Variants in DTYMK observed in about 807,000 individuals in gnomAD.
The protein encoded by DTYMK is thymidylate kinase.
DTYMK carries 20 observed loss-of-function variants against 20.3 expected under a neutral mutation model. That is an observed-to-expected ratio of 0.99 (90% confidence interval 0.69 to 1.43). The LOEUF (loss-of-function observed/expected upper bound fraction) is 1.43, where lower values mean the gene tolerates loss of function less well. Ranked by LOEUF, DTYMK falls within the 40% of genes most tolerant of loss-of-function variation. The pLI is 0.00. For synonymous variants in DTYMK, 148 were observed against 124.4 expected (o/e 1.19, Z -1.27); for missense variants, 320 against 291.1 (o/e 1.10, Z -0.72).
At chr2:241,676,830 C>G (rs2069128176) in intron 4 of DTYMK, among the ~76,000 whole-genome samples, 1 of 152,254 alleles carries the variant, frequency 6.6e-6, no homozygotes, top group South Asian at 2.1e-4. Context: ...GAGTCGGAAG[C>G]ACAGAGGGCA....
chr2:241,682,311 C>A, intron 2 of DTYMK: 1 of 441,336 alleles, frequency 2.3e-6, no homozygotes, highest in Non-Finnish European at 4.6e-6. Flanking sequence ...CTGCACTCAG[C>A]CTGCATGACA....
intron 2 of DTYMK, among the ~76,000 whole-genome samples, chr2:241,683,537 G>A (rs2069313119): frequency 6.6e-6 from 1 of 152,160 alleles, no homozygotes; most frequent in African/African-American, 2.4e-5. Flanking sequence ...GATACCCATG[G>A]TTTAGCAGTT....
intron 4 of DTYMK, among the ~76,000 whole-genome samples, chr2:241,677,870 G>A (rs1182921276): frequency 6.6e-6 from 1 of 152,244 alleles, no homozygotes; most frequent in Non-Finnish European, 1.5e-5. Flanking sequence ...GGAACAGGCT[G>A]GCGCTCGTGT....
At chr2:241,682,343 G>T in intron 2 of DTYMK, 1 of 392,556 alleles carries the variant, frequency 2.5e-6, no homozygotes, top group Non-Finnish European at 5.1e-6. Context: ...TCTAAAAAAA[G>T]AAAAGAGAGA....
At chr2:241,685,509 G>A in intron 2 of DTYMK, 1 of 315,384 alleles carries the variant, frequency 3.2e-6, no homozygotes, top group Non-Finnish European at 5.9e-6. Context: ...TGGCGACAGA[G>A]CGGAACTCCG....
In DTYMK at chr2:241,680,276, C is replaced by G. The variant is rs376752891; in HGVS notation, c.283G>C (p.Val95Leu). 6.8e-6 allele frequency: 11 copies of G among 1,614,066 alleles called. No individual in the cohort carries two copies. The Admixed American group carries it at 1.5e-4, about 22-fold the overall frequency. Residue 95 changes from valine (V) to leucine (L), a missense_variant, in exon 3 of 5, where the codon GTG (valine) becomes CTG (leucine). By Grantham distance (32) the Val-to-Leu change is conservative (BLOSUM62 1). Transcript: ENST00000305784. ...ACACCAGAAAATGCGTATCTGTCCA[C>G]GACGAGGGTCACGCCCTGGCTCAAC... is the stretch of plus-strand genomic sequence containing the variant. The part of the protein sequence containing the change: ...EKLSQGVTLV[V>L]DRYAFSGVAF...
chr2:241,678,091 C>T (rs542687013), intron 4 of DTYMK, among the ~76,000 whole-genome samples: 5 of 152,164 alleles, frequency 3.3e-5, no homozygotes, highest in South Asian at 2.1e-4. Flanking sequence ...GCCTGACCAA[C>T]GTGGAGAAAC....
intron 2 of DTYMK, among the ~76,000 whole-genome samples, chr2:241,684,900 G>A (rs1273638029): frequency 1.3e-5 from 2 of 152,030 alleles, no homozygotes; most frequent in Non-Finnish European, 2.9e-5. Flanking sequence ...AGTATGTAGG[G>A]AGCGCTCTAC....
intron 2 of DTYMK, among the ~76,000 whole-genome samples, chr2:241,683,870 C>G (rs948222784): frequency 6.6e-6 from 1 of 152,066 alleles, no homozygotes; most frequent in Admixed American, 6.6e-5. Flanking sequence ...CCACCCTGGC[C>G]AACATGGTGA....
intron 2 of DTYMK, among the ~76,000 whole-genome samples, chr2:241,681,470 G>C (rs1441886376): frequency 3.9e-5 from 6 of 152,030 alleles, no homozygotes; most frequent in African/African-American, 1.4e-4. Context: ...CAGGAGGATT[G>C]CTTGAGCCCA....
In DTYMK at chr2:241,686,760, G is replaced by T; in HGVS notation, c.24C>A (p.Leu8=). 2.0e-6 allele frequency: 3 copies of T among 1,484,374 alleles called. No individual in the cohort carries two copies. In the South Asian group the frequency reaches 4.0e-5, roughly 20 times the overall value. The allele number at this position is 1,484,374 out of a possible 1,614,324, so 92.0% of individuals were successfully genotyped here. A position where few individuals can be genotyped will look rare whatever the true frequency, so the allele number is the denominator to read the frequency against. ...CGCGGTCCACGCCCTCCAGCACTATGAGAGCCCCGCGCCGGGCCGCCATGA... is the reference window on the plus strand; with the variant it reads ...CGCGGTCCACGCCCTCCAGCACTATTAGAGCCCCGCGCCGGGCCGCCATGA... The part of the protein sequence containing the change: MAARRGA[L]IVLEGVDRAG... The change falls in exon 1 of 5, where the codon CTC becomes CTA. Residue 8 remains leucine (L), a synonymous_variant. Transcript: ENST00000305784.
rs958196925 is a variant in DTYMK at position 241,675,803 on chromosome 2, T to G, written c.*324A>C. On this transcript the variant is annotated 3_prime_UTR_variant, in exon 5 of 5. Transcript: ENST00000305784. ...GACATTTAGGAGAATTCCAACTGAT[T>G]ACCATTTACAGTGATCACAATGAAA... 5.0e-6 allele frequency: 1 copy of G among 198,858 alleles called. No homozygotes were observed. Among genetic ancestry groups the G allele is most frequent in the Non-Finnish European group, 1.0e-5 (1 of 98,888 alleles). The allele number at this position is 198,858 out of a possible 1,614,324, so 12.3% of individuals were successfully genotyped here.
At chr2:241,679,008 C>T (rs2069181625) in intron 3 of DTYMK, among the ~76,000 whole-genome samples, 1 of 152,206 alleles carries the variant, frequency 6.6e-6, no homozygotes, top group Non-Finnish European at 1.5e-5. Context: ...AGAACGCCTG[C>T]AGCACAGAGC....
intron 2 of DTYMK, chr2:241,682,382 C>G (rs1055002137): frequency 8.5e-6 from 3 of 354,504 alleles, no homozygotes; most frequent in Non-Finnish European, 1.7e-5. Context: ...AAAAGGCAAA[C>G]CACAGCCTAG....
At chr2:241,681,370 G>A (rs903543803) in intron 2 of DTYMK, among the ~76,000 whole-genome samples, 4 of 152,144 alleles carry the variant, frequency 2.6e-5, no homozygotes, top group Non-Finnish European at 4.4e-5. Context: ...AGACCAGACC[G>A]TATACCCTCC....
chr2:241,678,201 C>T (rs998451363), intron 4 of DTYMK, among the ~76,000 whole-genome samples: 12 of 151,992 alleles, frequency 7.9e-5, no homozygotes, highest in Non-Finnish European at 1.3e-4. Flanking sequence ...ACCCAAGAAG[C>T]GGAGGTTGCA....
chr2:241,676,796 C>G (rs1365093092), intron 4 of DTYMK, among the ~76,000 whole-genome samples: 2 of 152,376 alleles, frequency 1.3e-5, no homozygotes, highest in Admixed American at 1.3e-4. Flanking sequence ...GTCGAGGTGA[C>G]TGTCCCTCCA....
intron 3 of DTYMK, among the ~76,000 whole-genome samples, chr2:241,680,008 A>C (rs1270656305): frequency 1.3e-5 from 2 of 151,538 alleles, no homozygotes; most frequent in East Asian, 3.9e-4. Context: ...AATATAATCC[A>C]AATACCAACT....
intron 1 of DTYMK, 46 bp from the exon 2 acceptor site, chr2:241,685,923 TC>T (rs1422862478): frequency 6.3e-7 from 1 of 1,575,214 alleles, no homozygotes; most frequent in Admixed American, 1.7e-5. Context: ...GATCAGGCTT[TC>T]CCTCTATATT....
Sources: gnomAD v4.1 joint callset for allele counts (sites outside exome capture counted in the v4.1 genomes callset) on GRCh38, gnomAD v4.1.1 for gene constraint, MANE v1.5 for transcripts, NCBI Gene and HGNC (gene_info 2026-07-23, HGNC 2026-07-21) for gene names.